PCDHA1: variants seen among roughly 807,000 people sequenced by gnomAD.
The protein encoded by PCDHA1 is protocadherin alpha-1.
PCDHA1 carries 42 observed loss-of-function variants against 61.3 expected under a neutral mutation model. The ratio of observed to expected loss-of-function variants is 0.69; its 90% CI spans 0.54 to 0.89. The LOEUF (loss-of-function observed/expected upper bound fraction) is 0.89, where lower values mean the gene tolerates loss of function less well. Ranked by LOEUF, PCDHA1 falls within the 40% of genes least tolerant of loss-of-function variation. The pLI is 0.00. For synonymous variants in PCDHA1, 610 were observed against 553.8 expected (o/e 1.10, Z -1.43); for missense variants, 1,256 against 1,235.3 (o/e 1.02, Z -0.25).
intron 1 of PCDHA1, chr5:140,966,538 C>G: frequency 2.2e-6 from 1 of 463,262 alleles, no homozygotes; most frequent in Non-Finnish European, 3.7e-6. Flanking sequence ...GGTTGAGCGA[C>G]TCGGAGGCGA....
intron 3 of PCDHA1, among the ~76,000 whole-genome samples, chr5:140,985,188 C>T (rs1186148399): frequency 6.6e-6 from 1 of 152,192 alleles, no homozygotes; most frequent in African/African-American, 2.4e-5. Context: ...CCGCCTGCCT[C>T]GGTCTCCCAA....
intron 1 of PCDHA1, chr5:140,824,236 A>T (rs1554129815): frequency 6.6e-7 from 1 of 1,505,494 alleles, no homozygotes; most frequent in Non-Finnish European, 9.2e-7. Flanking sequence ...GTACACAAAT[A>T]TTGTGGTACA....
chr5:140,795,372 A>C (rs1369948884), intron 1 of PCDHA1: 1 of 1,614,180 alleles, frequency 6.2e-7, no homozygotes, highest in Non-Finnish European at 8.5e-7. Context: ...TTCCAATGAC[A>C]GTAAAGACTA....
intron 1 of PCDHA1, among the ~76,000 whole-genome samples, chr5:140,879,326 T>C (rs1554170752): frequency 6.6e-6 from 1 of 152,232 alleles, no homozygotes. Flanking sequence ...CTCACTTTTT[T>C]AGTTTGTTCA....
chr5:140,986,372 G>A lies in PCDHA1; in HGVS notation c.2542+3809G>A, dbSNP rs570215048. ...TCTTCAGATGGAGGAATGCGTTTTG[G>A]GGGGAGGGACATTAAAGGGCCAGTC... On this transcript the variant is annotated intron_variant, in intron 3 of 3. Coordinates refer to ENST00000504120, the MANE Select transcript of PCDHA1 (RefSeq NM_018900.4). Among the ~76,000 whole-genome samples, 23 of 152,248 alleles carry A rather than the reference G, an allele frequency of 1.5e-4. No homozygotes were observed. In the East Asian group the frequency reaches 1.7e-3, roughly 12 times the overall value.
At chr5:140,803,057 C>T (rs782603015) in intron 1 of PCDHA1, 8 of 1,613,884 alleles carry the variant, frequency 5.0e-6, no homozygotes, top group African/African-American at 1.3e-5. Context: ...GTGCGCGCAT[C>T]CCGTTTCGCG....
At chr5:140,803,646 G>A in intron 1 of PCDHA1, 1 of 1,612,886 alleles carries the variant, frequency 6.2e-7, no homozygotes, top group Non-Finnish European at 8.5e-7. Context: ...ATTCCTCAAT[G>A]TTTCCACTCC....
At chr5:140,907,975 G>A (rs1242073777) in intron 1 of PCDHA1, among the ~76,000 whole-genome samples, 1 of 152,154 alleles carries the variant, frequency 6.6e-6, no homozygotes, top group Non-Finnish European at 1.5e-5. Flanking sequence ...TTCCAATCAT[G>A]CTTCTTCCAA....
intron 1 of PCDHA1, among the ~76,000 whole-genome samples, chr5:140,905,257 C>T (rs920530176): frequency 6.6e-6 from 1 of 152,168 alleles, no homozygotes; most frequent in African/African-American, 2.4e-5. Context: ...CCACATGAGG[C>T]TTGGCAGTTA....
intron 3 of PCDHA1, among the ~76,000 whole-genome samples, chr5:140,997,083 A>C (rs1267571178): frequency 2.6e-5 from 4 of 152,174 alleles, no homozygotes; most frequent in Non-Finnish European, 5.9e-5. Flanking sequence ...AGTTGAGTAG[A>C]AAGTGCAGAG....
chr5:140,966,945 A>C, intron 1 of PCDHA1: 1 of 1,603,804 alleles, frequency 6.2e-7, no homozygotes, highest in Non-Finnish European at 8.5e-7. Context: ...CTCGTGGGCA[A>C]CGTGGCTCGC....
rs2150121871 is a variant in PCDHA1, at chr5:140,823,063, G to A, written c.2394+34379G>A. The A allele has an allele frequency of 1.8e-5, 29 of 1,614,140 alleles. No homozygotes were observed. Among genetic ancestry groups the A allele is most frequent in the Non-Finnish European group, 2.5e-5 (29 of 1,180,050 alleles). ...GCTGGTGGTGACCGCGCGGGACGGG[G>A]GCTCGCCTTCGCTGTGGGCCACCGC... On this transcript the variant is annotated intron_variant, in intron 1 of 3. Transcript: ENST00000504120.
At chr5:140,981,629 G>A (rs1342775971) in intron 2 of PCDHA1, among the ~76,000 whole-genome samples, 1 of 151,994 alleles carries the variant, frequency 6.6e-6, no homozygotes. Flanking sequence ...GGTTTTCTTG[G>A]ACATTTTCTC....
At chr5:140,973,324 C>T (rs1261856526) in intron 1 of PCDHA1, among the ~76,000 whole-genome samples, 4 of 152,174 alleles carry the variant, frequency 2.6e-5, no homozygotes, top group Admixed American at 1.3e-4. Context: ...ACAGAGTTTA[C>T]ACTCGTTGTA....
At chr5:140,812,825 A>G (rs1312909388) in intron 1 of PCDHA1, 1 of 152,016 alleles carries the variant, frequency 6.6e-6, no homozygotes, top group Non-Finnish European at 1.5e-5. Flanking sequence ...TTGTGTTTTC[A>G]TTTTTGTTTA....
In PCDHA1 at chr5:140,788,076, G is replaced by T. The variant is rs1761430465; in HGVS notation, c.1786G>T (p.Ala596Ser). 1.2e-6 allele frequency: 2 copies of T among 1,614,016 alleles called. No individual in the cohort carries two copies. Among genetic ancestry groups the T allele is most frequent in the Non-Finnish European group, 1.7e-6 (2 of 1,179,906 alleles). The part of the protein sequence containing the change: ...GAGHVVAKVR[A>S]VDADSGYNAW... ...GGGTCATGTGGTGGCGAAGGTGCGC[G>T]CAGTGGACGCCGACTCGGGCTACAA... The change falls in exon 1 of 4, where the codon GCA (alanine) becomes TCA (serine). Residue 596 changes from alanine (A) to serine (S), a missense_variant. Physicochemically the swap from Ala to Ser is moderately conservative, Grantham distance 99 (BLOSUM62 1). Coordinates refer to ENST00000504120, the MANE Select transcript of PCDHA1 (RefSeq NM_018900.4).
intron 1 of PCDHA1, among the ~76,000 whole-genome samples, chr5:140,789,924 G>A (rs1380583819): frequency 6.6e-6 from 1 of 152,106 alleles, no homozygotes; most frequent in African/African-American, 2.4e-5. Flanking sequence ...GGCTTACAGT[G>A]GAAGAAATTT....
intron 1 of PCDHA1, chr5:140,848,481 GAC>G: frequency 6.4e-7 from 1 of 1,570,506 alleles, no homozygotes; most frequent in East Asian, 2.2e-5. Flanking sequence ...ATTAGAAGAA[GAC>G]TGAGTATTTG....
At chr5:140,854,178 A>AAATT in intron 1 of PCDHA1, 2 of 531,176 alleles carry the variant, frequency 3.8e-6, no homozygotes, top group Non-Finnish European at 4.8e-6. Flanking sequence ...AAAAAAAAAG[A>AAATT]GTAGTTTAAC....
Sources: gnomAD v4.1 joint callset for allele counts (sites outside exome capture counted in the v4.1 genomes callset) on GRCh38, gnomAD v4.1.1 for gene constraint, MANE v1.5 for transcripts, NCBI Gene and HGNC (gene_info 2026-07-23, HGNC 2026-07-21) for gene names.